The following ODF2 variants were observed in gnomAD, a reference collection of about 807,000 sequenced individuals.
ODF2 encodes outer dense fiber of sperm tails 2.
ODF2 carries 47 observed loss-of-function variants against 110.2 expected under a neutral mutation model. The ratio of observed to expected loss-of-function variants is 0.43; its 90% CI spans 0.34 to 0.54. ODF2 has a LOEUF of 0.54. ODF2 is among the 20% of genes least tolerant of loss of function. ODF2 has a pLI of 0.03. For synonymous variants in ODF2, 352 were observed against 397.7 expected, an observed-to-expected ratio of 0.89 and a Z score of 1.37; for missense variants, 812 against 1,054.5, an observed-to-expected ratio of 0.77 and a Z score of 3.19.
In ODF2 at chr9:128,483,923, TC is replaced by T; in HGVS notation, c.988-13del. 1 of 1,589,364 alleles carries T rather than the reference TC, an allele frequency of 6.3e-7. No homozygotes were observed. Reference sequence around the variant, plus strand: ...AAAAAATTGTGCCTCCATCACTTTTTCCGTCTCTCCACAGGCTCAAGCAAAG... The same window carrying T: ...AAAAAATTGTGCCTCCATCACTTTTTCGTCTCTCCACAGGCTCAAGCAAAG... On this transcript the variant is annotated splice_polypyrimidine_tract_variant and intron_variant, in intron 10 of 20. Transcript: ENST00000604420.
At chr9:128,461,471 T>G (rs1038700746) in intron 4 of ODF2, 3 of 165,274 alleles carry the variant, frequency 1.8e-5, no homozygotes, top group Non-Finnish European at 4.0e-5. Context: ...CAGGCTGGAG[T>G]GCAGTGGCAT....
rs376733548 is a variant in ODF2 at position 128,482,915 on chromosome 9, T to A, written c.987+28T>A. On this transcript the variant is annotated intron_variant, in intron 10 of 20. Coordinates refer to ENST00000604420, the Ensembl canonical transcript of ODF2. ...AGTGTGCTTTTTTTTTTTTTTTTTT[T>A]AGACGGAGTCTCGCTCTGTCGCCAG... is the stretch of plus-strand genomic sequence containing the variant. The A allele has an allele frequency of 3.0e-3, 3,049 of 1,006,962 alleles. 2 individuals carry two copies. Among genetic ancestry groups the A allele is most frequent in the East Asian group, 0.021 (798 of 38,108 alleles). The allele number at this position is 1,006,962 out of a possible 1,614,324, so 62.4% of individuals were successfully genotyped here. A position where few individuals can be genotyped will look rare whatever the true frequency, so the allele number is the denominator to read the frequency against.
chr9:128,473,750 G>A lies in ODF2; in HGVS notation c.843+9G>A, dbSNP rs1348771114. 2.5e-6 allele frequency: 4 copies of A among 1,611,756 alleles called. No individual in the cohort carries two copies. Among genetic ancestry groups the A allele is most frequent in the Admixed American group, 3.3e-5 (2 of 59,756 alleles). ...AACAGCACTGCAAAGAGGTGAGCTT[G>A]GGGCCTGGCTCTTTCCCTCCAGCTC... On this transcript the variant is annotated intron_variant, in intron 8 of 20. Transcript: ENST00000604420.
intron 1 of ODF2, 175 bp downstream of exon 1, chr9:128,456,430 G>T: frequency 6.7e-7 from 1 of 1,496,836 alleles, no homozygotes; most frequent in Non-Finnish European, 8.8e-7. Context: ...GCCCACCGGC[G>T]CGGGGCCTCT....
chr9:128,479,655 G>A (rs1243009237), intron 8 of ODF2, among the ~76,000 whole-genome samples: 3 of 152,132 alleles, frequency 2.0e-5, no homozygotes, highest in African/African-American at 7.2e-5. Context: ...CTTTGTATAT[G>A]CCCAGCAACG....
chr9:128,499,598 C>T lies in ODF2; in HGVS notation c.2302-469C>T, dbSNP rs117348353. ...GTGTGAGCCACTGCACCCAGACTCACGTTTTGTTTTGTTTTGTTTTGTTTT... is the reference window on the plus strand; with the variant it reads ...GTGTGAGCCACTGCACCCAGACTCATGTTTTGTTTTGTTTTGTTTTGTTTT... On this transcript the variant is annotated intron_variant, in intron 20 of 20. Transcript: ENST00000604420. Among the ~76,000 whole-genome samples the T allele has an allele frequency of 9.7e-3, 1,475 of 151,716 alleles. 32 individuals carry two copies. The highest frequency in any genetic ancestry group is 0.074 in the East Asian group (380 of 5,142).
rs1337823546 is a variant in ODF2, at chr9:128,456,403, A to C, written c.-209+148A>C. On this transcript the variant is annotated intron_variant, in intron 1 of 20. Transcript: ENST00000604420. ...TTGCGCTCGTCCCCCTCCTGTCAGAACCTGGGCCCCCGCCCCGCCCACCGG... is the reference window on the plus strand; with the variant it reads ...TTGCGCTCGTCCCCCTCCTGTCAGACCCTGGGCCCCCGCCCCGCCCACCGG... 11 of 1,462,534 alleles carry C rather than the reference A, an allele frequency of 7.5e-6. No homozygotes were observed. In the East Asian group the frequency reaches 2.2e-4, roughly 30 times the overall value. 90.6% of individuals were successfully genotyped at this position (1,462,534 alleles called of 1,614,324 possible). A position where few individuals can be genotyped will look rare whatever the true frequency, so the allele number is the denominator to read the frequency against.
chr9:128,483,085 G>A (rs940035563), intron 10 of ODF2, among the ~76,000 whole-genome samples, 198 bp downstream of exon 10: 2 of 151,932 alleles, frequency 1.3e-5, no homozygotes, highest in Non-Finnish European at 1.5e-5. Context: ...TAGTAGAGAC[G>A]GGGTTTCACC....
chr9:128,497,446 A>T lies in ODF2; in HGVS notation c.2013-967A>T, dbSNP rs12004763. 392 of 41,876 alleles carry T rather than the reference A, an allele frequency of 9.4e-3. 4 individuals are homozygous for T. The highest frequency in any genetic ancestry group is 0.016 in the African/African-American group (101 of 6,392). 2.6% of individuals were successfully genotyped at this position (41,876 alleles called of 1,614,324 possible). Reference sequence around the variant, plus strand: ...ACTAAAAAAAAAAAAAAAAAAAAAAAATATATATATATATATATATATATA... The same window carrying T: ...ACTAAAAAAAAAAAAAAAAAAAAAATATATATATATATATATATATATATA... On this transcript the variant is annotated intron_variant, in intron 18 of 20. Transcript: ENST00000604420.
At chr9:128,470,737 G>A (rs1232911326) in intron 5 of ODF2, among the ~76,000 whole-genome samples, 3 of 151,884 alleles carry the variant, frequency 2.0e-5, no homozygotes, top group East Asian at 1.9e-4. Flanking sequence ...ACCTGGCTTC[G>A]TTCCCAACCC....
intron 17 of ODF2, 75 bp from the exon 18 acceptor site, chr9:128,495,966 A>C (rs1315382205): frequency 1.3e-6 from 2 of 1,562,554 alleles, no homozygotes; most frequent in African/African-American, 2.7e-5. Flanking sequence ...GGGTGTGGAC[A>C]ACAGGTCATA....
intron 20 of ODF2, among the ~76,000 whole-genome samples, 164 bp downstream of exon 20, chr9:128,499,290 T>A (rs1468006849): frequency 6.6e-6 from 1 of 152,192 alleles, no homozygotes; most frequent in Non-Finnish European, 1.5e-5. Flanking sequence ...GGTAGATATT[T>A]ATTTATTTAT....
At chr9:128,492,383 A>G in intron 14 of ODF2, 43 bp from the exon 15 acceptor site, 1 of 1,386,302 alleles carries the variant, frequency 7.2e-7, no homozygotes, top group African/African-American at 1.4e-5. Flanking sequence ...GTCCACCTGA[A>G]GCAGAACCTT....
intron 15 of ODF2, 30 bp downstream of exon 15, chr9:128,492,566 G>A (rs200680653): frequency 1.3e-5 from 21 of 1,562,246 alleles, no homozygotes; most frequent in Middle Eastern, 1.7e-4. Context: ...TGGCCCTTCT[G>A]AGCAGTGCCC....
chr9:128,490,308 A>G (rs1844281276), intron 14 of ODF2, among the ~76,000 whole-genome samples: 3 of 151,732 alleles, frequency 2.0e-5, no homozygotes, highest in African/African-American at 4.8e-5. Flanking sequence ...TTTGAGACAG[A>G]GTCTTGCTCT....
At chr9:128,462,204 T>G (rs1262812250) in intron 4 of ODF2, among the ~76,000 whole-genome samples, 2 of 151,124 alleles carry the variant, frequency 1.3e-5, no homozygotes, top group Non-Finnish European at 2.9e-5. Flanking sequence ...CAGGCTGGAG[T>G]GCAGTGGCGC....
chr9:128,483,792 G>A (rs1588916427), intron 10 of ODF2, 146 bp from the exon 11 acceptor site: 4 of 677,216 alleles, frequency 5.9e-6, no homozygotes, highest in Middle Eastern at 2.7e-4. Context: ...AGGCTGAGGC[G>A]GGAGAATCGC....
At chr9:128,469,437 C>T (rs1839149328) in intron 5 of ODF2, 84 bp downstream of exon 5, 2 of 1,451,632 alleles carry the variant, frequency 1.4e-6, no homozygotes, top group East Asian at 2.3e-5. Context: ...GGTCCCTCAG[C>T]CTGCGTCTGC....
chr9:128,492,480 C>T lies in ODF2; in HGVS notation c.1591C>T (p.Gln531Ter), dbSNP rs1404888524. 6.2e-7 allele frequency: 1 copy of T among 1,614,048 alleles called. No homozygotes were observed. Among genetic ancestry groups the T allele is most frequent in the East Asian group, 2.2e-5 (1 of 44,878 alleles). The change falls in exon 15 of 21, where the codon CAG becomes TAG. Residue 531 changes from glutamine to a stop codon, truncating the protein, a stop_gained. Coordinates refer to ENST00000604420, the Ensembl canonical transcript of ODF2. LOFTEE classifies it high-confidence loss of function. ...CAACCAGGCACACCTCGAGGTCCAGCAGCTGAAGGCCTCAGTGAAGAACTA... is the reference window on the plus strand; with the variant it reads ...CAACCAGGCACACCTCGAGGTCCAGTAGCTGAAGGCCTCAGTGAAGAACTA...
Sources: gnomAD v4.1 joint callset for allele counts (sites outside exome capture counted in the v4.1 genomes callset) on GRCh38, gnomAD v4.1.1 for gene constraint, MANE v1.5 for transcripts, NCBI Gene and HGNC (gene_info 2026-07-23, HGNC 2026-07-21) for gene names.